The following ARFGAP3 variants were observed in gnomAD, a reference collection of about 807,000 sequenced individuals.
ARFGAP3 encodes the protein ADP-ribosylation factor GTPase-activating protein 3.
ARFGAP3 carries 72 observed loss-of-function variants against 75.0 expected under a neutral mutation model. The observed-to-expected ratio is 0.96, with a 90% CI of 0.79 to 1.17. ARFGAP3 has a LOEUF of 1.17. ARFGAP3 is among the 50% of genes most tolerant of loss of function. ARFGAP3 has a pLI of 0.00. For synonymous variants in ARFGAP3, 221 were observed against 217.9 expected, an observed-to-expected ratio of 1.01 and a Z score of -0.13; for missense variants, 620 against 626.6, an observed-to-expected ratio of 0.99 and a Z score of 0.11.
chr22:42,841,458 T>C (rs749435439), intron 2 of ARFGAP3, among the ~76,000 whole-genome samples: 4 of 152,154 alleles, frequency 2.6e-5, no homozygotes, highest in Non-Finnish European at 4.4e-5. Context: ...CTACCCAACA[T>C]CACGACCAGC....
intron 6 of ARFGAP3, among the ~76,000 whole-genome samples, chr22:42,830,976 T>G (rs1256927041): frequency 4.6e-5 from 7 of 152,308 alleles, no homozygotes; most frequent in Admixed American, 3.3e-4. Flanking sequence ...CCCCACTTTA[T>G]AGTCTATTAT....
Position 42,828,233 on chromosome 22 carries a change from C to T in ARFGAP3, c.566-1234G>A, listed in dbSNP as rs151122256. Among the ~76,000 whole-genome samples, 243 of 151,974 alleles carry T rather than the reference C, an allele frequency of 1.6e-3. 2 individuals carry two copies. Among genetic ancestry groups the T allele is most frequent in the African/African-American group, 5.6e-3 (233 of 41,446 alleles). ...GTCAAGAGTTCAAGATCAGCCTGGC[C>T]AACATGGTGAAACCCTGTATCTACT... On this transcript the variant is annotated intron_variant, in intron 6 of 15. Transcript: ENST00000263245.
At chr22:42,850,735 C>T (rs557924269) in intron 1 of ARFGAP3, among the ~76,000 whole-genome samples, 2 of 152,212 alleles carry the variant, frequency 1.3e-5, no homozygotes, top group South Asian at 4.2e-4. Context: ...TCTAAAGCCC[C>T]TCACCACAAT....
chr22:42,835,313 T>C (rs766422234), intron 4 of ARFGAP3, 49 bp downstream of exon 4: 2 of 1,582,854 alleles, frequency 1.3e-6, no homozygotes, highest in Non-Finnish European at 8.6e-7. Flanking sequence ...ACTTTTTCTA[T>C]GAAGTGAACA....
chr22:42,840,829 C>T, intron 3 of ARFGAP3, 115 bp downstream of exon 3: 1 of 1,117,664 alleles, frequency 8.9e-7, no homozygotes, highest in Non-Finnish European at 1.3e-6. Flanking sequence ...TTTCAGCCTC[C>T]CAAATGGCTG....
intron 3 of ARFGAP3, among the ~76,000 whole-genome samples, chr22:42,836,321 G>A (rs775566897): frequency 3.3e-5 from 5 of 152,042 alleles, no homozygotes; most frequent in Admixed American, 2.6e-4. Context: ...ACCTAGGCTG[G>A]AGGGTAGTGT....
intron 4 of ARFGAP3, among the ~76,000 whole-genome samples, chr22:42,834,793 C>G (rs1055115911): frequency 6.6e-6 from 1 of 152,210 alleles, no homozygotes; most frequent in Non-Finnish European, 1.5e-5. Context: ...ACTCTGCCTT[C>G]TTGTTTCAGT....
intron 2 of ARFGAP3, among the ~76,000 whole-genome samples, chr22:42,844,686 C>A (rs940672974): frequency 6.6e-6 from 1 of 151,862 alleles, no homozygotes; most frequent in Non-Finnish European, 1.5e-5. Flanking sequence ...CAGGTGTGAA[C>A]CACTATGTCC....
intron 8 of ARFGAP3, among the ~76,000 whole-genome samples, chr22:42,822,808 T>C (rs545310262): frequency 3.9e-5 from 6 of 152,340 alleles, no homozygotes; most frequent in African/African-American, 1.2e-4. Context: ...TCTTACTTTT[T>C]ATTTTTTTTT....
At chr22:42,848,430 G>A (rs992404922) in intron 1 of ARFGAP3, among the ~76,000 whole-genome samples, 3 of 152,044 alleles carry the variant, frequency 2.0e-5, no homozygotes, top group Non-Finnish European at 4.4e-5. Context: ...GGATAGTCTC[G>A]ATCTCCTGAC....
chr22:42,804,095 G>A (rs920939747), intron 14 of ARFGAP3, among the ~76,000 whole-genome samples: 1 of 151,736 alleles, frequency 6.6e-6, no homozygotes, highest in Non-Finnish European at 1.5e-5. Flanking sequence ...GTAGAGACAC[G>A]GTTTTGCCAT....
At chr22:42,812,542 C>A (rs866629113) in intron 11 of ARFGAP3, among the ~76,000 whole-genome samples, 1 of 152,176 alleles carries the variant, frequency 6.6e-6, no homozygotes, top group Non-Finnish European at 1.5e-5. Flanking sequence ...GGCCAGTAAC[C>A]AAAGGCCAAT....
chr22:42,849,375 G>C (rs1927165855), intron 1 of ARFGAP3, among the ~76,000 whole-genome samples: 1 of 152,198 alleles, frequency 6.6e-6, no homozygotes, highest in African/African-American at 2.4e-5. Context: ...ATAACTCTTA[G>C]ATGCAGGTTC....
At chr22:42,857,000 TG>T (rs1391211746) in intron 1 of ARFGAP3, 113 bp downstream of exon 1, 2 of 1,064,214 alleles carry the variant, frequency 1.9e-6, no homozygotes, top group African/African-American at 3.4e-5. Flanking sequence ...CAGTGCGACG[TG>T]TCACAGGCCG....
intron 2 of ARFGAP3, among the ~76,000 whole-genome samples, chr22:42,846,729 C>T (rs913193327): frequency 7.2e-5 from 11 of 152,230 alleles, no homozygotes; most frequent in African/African-American, 2.7e-4. Flanking sequence ...TCATCATTGA[C>T]ATAAACTCTC....
intron 6 of ARFGAP3, 50 bp downstream of exon 6, chr22:42,831,499 A>G: frequency 1.3e-6 from 2 of 1,565,244 alleles, no homozygotes; most frequent in South Asian, 1.1e-5. Context: ...GTTTCATAGC[A>G]TGCCACTGAA....
intron 2 of ARFGAP3, among the ~76,000 whole-genome samples, chr22:42,846,169 GC>G (rs1285377840): frequency 1.3e-5 from 2 of 151,802 alleles, no homozygotes; most frequent in Admixed American, 6.6e-5. Context: ...AAGATTGCTT[GC>G]CACAATTCCA....
intron 1 of ARFGAP3, among the ~76,000 whole-genome samples, chr22:42,852,543 T>G (rs1389713421): frequency 6.6e-6 from 1 of 151,590 alleles, no homozygotes; most frequent in Non-Finnish European, 1.5e-5. Context: ...GTATTTTTAG[T>G]AGAGATGGGG....
intron 11 of ARFGAP3, among the ~76,000 whole-genome samples, chr22:42,814,673 T>C (rs1243997970): frequency 1.3e-5 from 2 of 152,188 alleles, no homozygotes; most frequent in Non-Finnish European, 2.9e-5. Context: ...AAGTTCCCAT[T>C]AGGCAACCTC....
Sources: allele counts gnomAD v4.1 joint callset (sites outside exome capture counted in the v4.1 genomes callset), GRCh38; gene constraint gnomAD v4.1.1; transcripts MANE v1.5; gene names NCBI Gene and HGNC (gene_info 2026-07-23, HGNC 2026-07-21).